SLC25A12: variants seen among roughly 807,000 people sequenced by gnomAD.
SLC25A12 encodes the protein solute carrier family 25 member 12, also known as electrogenic aspartate/glutamate antiporter SLC25A12, mitochondrial.
SLC25A12 carries 32 observed loss-of-function variants against 83.3 expected under a neutral mutation model. The ratio of observed to expected loss-of-function variants is 0.38; its 90% CI spans 0.29 to 0.52. The LOEUF is 0.52. Among genes scored for constraint, SLC25A12 ranks in the 20% least tolerant of loss-of-function variants. The probability of loss-of-function intolerance (pLI) is 0.84; values close to 1 mark genes in which losing one functional copy is unlikely to be tolerated. For synonymous variants in SLC25A12, 267 were observed against 291.1 expected, an observed-to-expected ratio of 0.92 and a Z score of 0.84; for missense variants, 611 against 835.6, an observed-to-expected ratio of 0.73 and a Z score of 3.31.
intron 4 of SLC25A12, among the ~76,000 whole-genome samples, chr2:171,849,606 G>C (rs1393784978): frequency 6.8e-6 from 1 of 147,372 alleles, no homozygotes; most frequent in Non-Finnish European, 1.5e-5. Context: ...TGTTGCCCAG[G>C]CTGGAGTGGT....
chr2:171,865,230 A>G (rs958025950), intron 3 of SLC25A12, among the ~76,000 whole-genome samples: 15 of 152,258 alleles, frequency 9.9e-5, no homozygotes, highest in African/African-American at 3.6e-4. Flanking sequence ...CAGATTATTC[A>G]ACATAAAATG....
intron 4 of SLC25A12, among the ~76,000 whole-genome samples, chr2:171,845,575 C>T (rs1338935334): frequency 6.6e-6 from 1 of 152,172 alleles, no homozygotes; most frequent in Non-Finnish European, 1.5e-5. Context: ...GCTGTTTTCT[C>T]TAATTTCTGC....
intron 2 of SLC25A12, 92 bp downstream of exon 2, chr2:171,893,108 AAACTG>A: frequency 1.0e-6 from 1 of 962,274 alleles, no homozygotes; most frequent in Non-Finnish European, 1.7e-6. Context: ...GAATACATGA[AAACTG>A]AACATTCCTC....
At position 171,821,151 on chromosome 2, in the gene SLC25A12, TC is replaced by T. The variant is rs755683946; in HGVS notation, c.930+5646del. Among the ~76,000 whole-genome samples the T allele has an allele frequency of 6.3e-5, 9 of 142,476 alleles. No individual in the cohort carries two copies. In the South Asian group the frequency reaches 7.3e-4, roughly 12 times the overall value. The allele number at this position is 142,476 out of a possible 152,430, so 93.5% of individuals were successfully genotyped here. Reference sequence around the variant, plus strand: ...TTCAAGCAATTCTCGTGCCTCAGCCTCCCGAGCAGCTGGGACTATAGGTGTG... The same window carrying T: ...TTCAAGCAATTCTCGTGCCTCAGCCTCCGAGCAGCTGGGACTATAGGTGTG... On this transcript the variant is annotated intron_variant, in intron 9 of 17. Coordinates refer to ENST00000422440, the MANE Select transcript of SLC25A12 (RefSeq NM_003705.5).
chr2:171,837,238 G>C lies in SLC25A12; in HGVS notation c.495C>G (p.Ala165=), dbSNP rs1292280772. The part of the protein sequence containing the change: ...QELQLEHARQ[A]FALKDKSKSG... ...TTTTGCTTTTGTCTTTGAGTGCAAA[G>C]GCTTGTCTTGCATGTTCCAATTGCA... Residue 165 remains alanine (A), a synonymous_variant, in exon 6 of 18, where the codon GCC becomes GCG. Transcript: ENST00000422440. The C allele has an allele frequency of 1.2e-6, 2 of 1,614,094 alleles. No homozygotes were observed. Among genetic ancestry groups the C allele is most frequent in the Non-Finnish European group, 8.5e-7 (1 of 1,179,990 alleles).
chr2:171,870,613 C>T (rs992997599), intron 2 of SLC25A12, among the ~76,000 whole-genome samples: 25 of 151,494 alleles, frequency 1.7e-4, no homozygotes, highest in African/African-American at 5.8e-4. Context: ...AGAGCAAGAC[C>T]CTGTTTCAAA....
intron 3 of SLC25A12, among the ~76,000 whole-genome samples, chr2:171,862,440 T>C (rs140083269): frequency 1.5e-4 from 23 of 152,346 alleles, no homozygotes; most frequent in African/African-American, 4.3e-4. Context: ...ATTGTGCTAT[T>C]TATAATATAT....
chr2:171,844,248 T>C, intron 5 of SLC25A12, 121 bp downstream of exon 5: 2 of 1,066,402 alleles, frequency 1.9e-6, no homozygotes, highest in Non-Finnish European at 1.4e-6. Flanking sequence ...AGGGGGAAAT[T>C]TAAAAAATAG....
chr2:171,860,940 A>C (rs1037388860), intron 3 of SLC25A12, among the ~76,000 whole-genome samples: 11 of 151,830 alleles, frequency 7.2e-5, no homozygotes, highest in African/African-American at 2.7e-4. Context: ...AAATAAATAA[A>C]AATTAGCTGT....
chr2:171,826,932 C>T lies in SLC25A12; in HGVS notation c.846-50G>A, dbSNP rs140016345. 8.7e-4 allele frequency: 817 copies of T among 940,326 alleles called. 3 individuals are homozygous for T. The African/African-American group carries it at 9.2e-3, about 11-fold the overall frequency. 58.2% of individuals were successfully genotyped at this position (940,326 alleles called of 1,614,324 possible). A position where few individuals can be genotyped will look rare whatever the true frequency, so the allele number is the denominator to read the frequency against. The stretch of plus-strand genomic sequence containing the variant: ...TTGTTAGACACTGACAAACTCCTCA[C>T]GCCAAAATCATCTTTTCTCAAAAAA... On this transcript the variant is annotated intron_variant, in intron 8 of 17. Transcript: ENST00000422440.
At chr2:171,848,530 A>G (rs1208504430) in intron 4 of SLC25A12, among the ~76,000 whole-genome samples, 1 of 152,222 alleles carries the variant, frequency 6.6e-6, no homozygotes, top group Non-Finnish European at 1.5e-5. Context: ...TAGCTGAACA[A>G]AAACAATGGT....
chr2:171,886,167 C>A lies in SLC25A12; in HGVS notation c.66+7038G>T, dbSNP rs148030805. On this transcript the variant is annotated intron_variant, in intron 2 of 17. Coordinates refer to ENST00000422440, the MANE Select transcript of SLC25A12 (RefSeq NM_003705.5). Reference sequence around the variant, plus strand: ...AGGCCTAACTCATTCTTTTTAGTATCTGCATAACTTTCATAGTATAGTTAT... The same window carrying A: ...AGGCCTAACTCATTCTTTTTAGTATATGCATAACTTTCATAGTATAGTTAT... 1.6e-4 allele frequency among the ~76,000 whole-genome samples: 24 copies of A among 151,638 alleles called. No homozygotes were observed. The East Asian group carries it at 3.7e-3, about 23-fold the overall frequency.
intron 2 of SLC25A12, among the ~76,000 whole-genome samples, chr2:171,874,720 T>A (rs1013846520): frequency 2.0e-5 from 3 of 152,200 alleles, no homozygotes; most frequent in East Asian, 1.9e-4. Flanking sequence ...TGGAATCATG[T>A]CCTTTGCAAC....
At chr2:171,804,841 A>C (rs995569170) in intron 13 of SLC25A12, among the ~76,000 whole-genome samples, 1 of 152,180 alleles carries the variant, frequency 6.6e-6, no homozygotes, top group Non-Finnish European at 1.5e-5. Flanking sequence ...CGGCAGTTCA[A>C]GGTTGCTGTG....
chr2:171,843,794 G>C (rs952572092), intron 5 of SLC25A12, among the ~76,000 whole-genome samples: 1 of 111,556 alleles, frequency 9.0e-6, no homozygotes, highest in Admixed American at 1.0e-4. Context: ...GAAAGAACTA[G>C]CTTTTTTTTT....
intron 3 of SLC25A12, among the ~76,000 whole-genome samples, chr2:171,863,890 A>G (rs1419094733): frequency 6.6e-6 from 1 of 152,212 alleles, no homozygotes; most frequent in Non-Finnish European, 1.5e-5. Flanking sequence ...GAGAGAGTAG[A>G]CCTAAAAGGT....
At chr2:171,804,743 A>G (rs1035663323) in intron 13 of SLC25A12, among the ~76,000 whole-genome samples, 2 of 152,154 alleles carry the variant, frequency 1.3e-5, no homozygotes, top group African/African-American at 4.8e-5. Context: ...CCCTGTCTCT[A>G]TGAAAAACTT....
At chr2:171,879,696 G>A (rs1376014513) in intron 2 of SLC25A12, among the ~76,000 whole-genome samples, 1 of 152,170 alleles carries the variant, frequency 6.6e-6, no homozygotes, top group Non-Finnish European at 1.5e-5. Context: ...CATACAAGAA[G>A]CATATATATG....
intron 4 of SLC25A12, among the ~76,000 whole-genome samples, chr2:171,851,083 A>T (rs1161487000): frequency 6.6e-6 from 1 of 152,242 alleles, no homozygotes; most frequent in Non-Finnish European, 1.5e-5. Context: ...ATTCCTAGGC[A>T]AACACCAAAT....
Sources: allele counts gnomAD v4.1 joint callset (sites outside exome capture counted in the v4.1 genomes callset), GRCh38; gene constraint gnomAD v4.1.1; transcripts MANE v1.5; gene names NCBI Gene and HGNC (gene_info 2026-07-23, HGNC 2026-07-21).